PCED1B: variants seen among roughly 807,000 people sequenced by gnomAD.
The protein encoded by PCED1B is PC-esterase domain containing 1B.
For synonymous variants in PCED1B, 251 were observed against 246.1 expected (o/e 1.02, Z -0.19); for missense variants, 573 against 573.9 (o/e 1.00, Z 0.02).
intron 2 of PCED1B, among the ~76,000 whole-genome samples, chr12:47,153,487 C>T (rs1592209946): frequency 6.6e-6 from 1 of 151,436 alleles, no homozygotes; most frequent in East Asian, 1.9e-4. Context: ...AAGTTCAATA[C>T]ATCTTAAATC....
At chr12:47,138,552 A>G (rs1290086088) in intron 2 of PCED1B, among the ~76,000 whole-genome samples, 1 of 152,196 alleles carries the variant, frequency 6.6e-6, no homozygotes, top group Non-Finnish European at 1.5e-5. Flanking sequence ...AGAAGATTCT[A>G]TATGTTCCTG....
chr12:47,158,612 TC>T (rs1941271426), intron 2 of PCED1B, among the ~76,000 whole-genome samples: 1 of 152,204 alleles, frequency 6.6e-6, no homozygotes, highest in African/African-American at 2.4e-5. Context: ...TGTATTTTAC[TC>T]TGTTGATACT....
intron 3 of PCED1B, among the ~76,000 whole-genome samples, chr12:47,217,866 C>T (rs531647710): frequency 6.8e-4 from 104 of 152,152 alleles, no homozygotes; most frequent in Non-Finnish European, 2.8e-4. Flanking sequence ...CATGAGCTAC[C>T]GCGCCCTTCT....
At chr12:47,080,280 C>T (rs1941965020) in intron 1 of PCED1B, among the ~76,000 whole-genome samples, 1 of 152,176 alleles carries the variant, frequency 6.6e-6, no homozygotes, top group Admixed American at 6.5e-5. Flanking sequence ...CACGCCCAGC[C>T]ACCGAGGGAG....
chr12:47,090,405 A>G (rs1184673930), intron 1 of PCED1B, among the ~76,000 whole-genome samples: 1 of 152,182 alleles, frequency 6.6e-6, no homozygotes, highest in East Asian at 1.9e-4. Flanking sequence ...ATGTGAACTA[A>G]ACAATTACAT....
chr12:47,217,466 GAAAGAGAA>G (rs1437327613), intron 3 of PCED1B, among the ~76,000 whole-genome samples: 3,432 of 70,460 alleles, frequency 0.049, 173 homozygotes, highest in Middle Eastern at 0.065. Flanking sequence ...GAAAAAGAAA[GAAAGAGAA>G]AGAAAGAAAG....
intron 2 of PCED1B, among the ~76,000 whole-genome samples, chr12:47,211,608 C>T (rs1298288259): frequency 7.0e-6 from 1 of 142,058 alleles, no homozygotes; most frequent in Non-Finnish European, 1.5e-5. Flanking sequence ...GAGCCAAGAT[C>T]GCACCACTGC....
chr12:47,142,446 A>T (rs1940629695), intron 2 of PCED1B, among the ~76,000 whole-genome samples: 1 of 152,230 alleles, frequency 6.6e-6, no homozygotes, highest in Non-Finnish European at 1.5e-5. Flanking sequence ...CACCAAAGGA[A>T]ACTAATAAAG....
rs535768278 is a variant in PCED1B at position 47,186,989 on chromosome 12, T to G, written c.-525-29233T>G. ...CCTATCCTGGAGTCGGGGACCACTC[T>G]CCTTGGAAGCAAAGATCTCTCCTTA... On this transcript the variant is annotated intron_variant, in intron 2 of 3. Transcript: ENST00000546455. Among the ~76,000 whole-genome samples, 4 of 152,282 alleles carry G rather than the reference T, an allele frequency of 2.6e-5. No individual in the cohort carries two copies. In the South Asian group the frequency reaches 6.2e-4, roughly 24 times the overall value.
intron 2 of PCED1B, among the ~76,000 whole-genome samples, chr12:47,200,770 A>G (rs1942739938): frequency 1.3e-5 from 2 of 152,218 alleles, no homozygotes; most frequent in African/African-American, 2.4e-5. Flanking sequence ...GCTCTGCTGG[A>G]CCAGTAACGC....
intron 1 of PCED1B, among the ~76,000 whole-genome samples, chr12:47,091,970 A>T (rs374421387): frequency 4.6e-5 from 7 of 152,192 alleles, no homozygotes; most frequent in African/African-American, 1.7e-4. Flanking sequence ...CTGATATCTC[A>T]CAGTGTAAGT....
rs60989871 is a variant in PCED1B, at chr12:47,115,898, T to C, written c.-526+11703T>C. Among the ~76,000 whole-genome samples the C allele has an allele frequency of 5.1e-3, 773 of 152,322 alleles. 6 individuals carry two copies. The highest frequency in any genetic ancestry group is 0.017 in the African/African-American group (705 of 41,584). On this transcript the variant is annotated intron_variant, in intron 2 of 3. Coordinates refer to ENST00000546455, the MANE Select transcript of PCED1B (RefSeq NM_138371.3). ...CTCTGATCCAAAGATATTGTATGGATTGGTTTTTGGCATCTAAGGGCACTT... is the reference window on the plus strand; with the variant it reads ...CTCTGATCCAAAGATATTGTATGGACTGGTTTTTGGCATCTAAGGGCACTT...
In PCED1B at chr12:47,170,510, G is replaced by A. The variant is rs1045265091; in HGVS notation, c.-525-45712G>A. On this transcript the variant is annotated intron_variant, in intron 2 of 3. Coordinates refer to ENST00000546455, the MANE Select transcript of PCED1B (RefSeq NM_138371.3). ...CACCTCCCGGATGGGGCGGCGGCCGGGCGGAGGCGCCCCCCACCTCCCTCC... is the reference window on the plus strand; with the variant it reads ...CACCTCCCGGATGGGGCGGCGGCCGAGCGGAGGCGCCCCCCACCTCCCTCC... Among the ~76,000 whole-genome samples, 3 of 146,074 alleles carry A rather than the reference G, an allele frequency of 2.1e-5. No individual in the cohort carries two copies. In the South Asian group the frequency reaches 6.4e-4, roughly 31 times the overall value.
intron 1 of PCED1B, among the ~76,000 whole-genome samples, chr12:47,080,757 C>CT (rs975851730): frequency 1.3e-5 from 2 of 152,122 alleles, no homozygotes; most frequent in Non-Finnish European, 2.9e-5. Flanking sequence ...CAGAGCAGAC[C>CT]TTTTTTTCTT....
At chr12:47,170,898 A>C (rs1941707747) in intron 2 of PCED1B, among the ~76,000 whole-genome samples, 1 of 150,378 alleles carries the variant, frequency 6.6e-6, no homozygotes, top group African/African-American at 2.5e-5. Context: ...CTACATTCTC[A>C]TTTTCTTATT....
chr12:47,096,167 G>A (rs1265684716), intron 1 of PCED1B, among the ~76,000 whole-genome samples: 1 of 151,970 alleles, frequency 6.6e-6, no homozygotes, highest in Non-Finnish European at 1.5e-5. Context: ...CAGCCCCATG[G>A]AAAACCCATT....
intron 2 of PCED1B, among the ~76,000 whole-genome samples, chr12:47,174,792 C>T (rs916436029): frequency 6.6e-6 from 1 of 152,126 alleles, no homozygotes; most frequent in Non-Finnish European, 1.5e-5. Context: ...CTCCTGGGGT[C>T]AGAGAGATGC....
chr12:47,116,323 A>G (rs918001055), intron 2 of PCED1B, among the ~76,000 whole-genome samples: 2 of 152,244 alleles, frequency 1.3e-5, no homozygotes, highest in Non-Finnish European at 2.9e-5. Context: ...TGTCAAAGCA[A>G]CTGAATTATT....
At chr12:47,209,444 C>G (rs1430338903) in intron 2 of PCED1B, 1 of 152,142 alleles carries the variant, frequency 6.6e-6, no homozygotes, top group Non-Finnish European at 1.5e-5. Context: ...CAAGATCATG[C>G]CATCGCACTC....
Sources: gnomAD v4.1 joint callset for allele counts (sites outside exome capture counted in the v4.1 genomes callset) on GRCh38, gnomAD v4.1.1 for gene constraint, MANE v1.5 for transcripts, NCBI Gene and HGNC (gene_info 2026-07-23, HGNC 2026-07-21) for gene names.